FBXO25: variants seen among roughly 807,000 people sequenced by gnomAD.
FBXO25 encodes the protein F-box only protein 25.
In FBXO25, 45 loss-of-function variants were observed where a neutral mutation model predicts 51.9. The observed-to-expected ratio is 0.87, with a 90% CI of 0.68 to 1.11. The LOEUF is 1.11. Ranked by LOEUF, FBXO25 falls within the 50% of genes most tolerant of loss-of-function variation. The probability of loss-of-function intolerance (pLI) is 0.00; values close to 1 mark genes in which losing one functional copy is unlikely to be tolerated. For missense variants in FBXO25, 507 were observed against 428.5 expected, an observed-to-expected ratio of 1.18 and a Z score of -1.62; for synonymous variants, 199 against 151.0, an observed-to-expected ratio of 1.32 and a Z score of -2.33.
intron 9 of FBXO25, among the ~76,000 whole-genome samples, chr8:466,714 G>C (rs1237451164): frequency 6.6e-6 from 1 of 152,162 alleles, no homozygotes; most frequent in Admixed American, 6.5e-5. Context: ...CTGCTCCCAA[G>C]CTGGTTTCCC....
intron 7 of FBXO25, among the ~76,000 whole-genome samples, chr8:456,191 G>C (rs906004257): frequency 1.3e-5 from 2 of 152,176 alleles, no homozygotes; most frequent in Non-Finnish European, 2.9e-5. Context: ...TAATTTACTT[G>C]CACGTTATCT....
rs185696423 is a variant in FBXO25, at chr8:447,070, A to C, written c.382-2920A>C. On this transcript the variant is annotated intron_variant, in intron 5 of 9. Transcript: ENST00000350302. ...CAGAAGGGCTTAGGCTAACAAAAGC[A>C]CTCGTCAGGGCCAGGTCTAGAAGTC... 1.1e-3 allele frequency among the ~76,000 whole-genome samples: 166 copies of C among 152,326 alleles called. 1 individual carries two copies. Among genetic ancestry groups the C allele is most frequent in the African/African-American group, 3.4e-3 (140 of 41,564 alleles).
chr8:458,631 G>A (rs1030120042), intron 8 of FBXO25, 80 bp downstream of exon 8: 16 of 1,350,236 alleles, frequency 1.2e-5, no homozygotes, highest in Non-Finnish European at 1.5e-5. Flanking sequence ...AAACTCACCT[G>A]GAGAGAAAGA....
intron 5 of FBXO25, among the ~76,000 whole-genome samples, chr8:436,556 C>A (rs1563077695): frequency 6.6e-6 from 1 of 152,160 alleles, no homozygotes; most frequent in Non-Finnish European, 1.5e-5. Context: ...TGTTGTGCTG[C>A]ATGCTTCACT....
intron 2 of FBXO25, among the ~76,000 whole-genome samples, chr8:420,189 G>T (rs1797064323): frequency 6.6e-6 from 1 of 152,102 alleles, no homozygotes. Flanking sequence ...TGCCACAGTG[G>T]GCCTAGGTGA....
At chr8:436,059 C>G (rs1308514264) in intron 5 of FBXO25, among the ~76,000 whole-genome samples, 3 of 152,242 alleles carry the variant, frequency 2.0e-5, no homozygotes, top group Non-Finnish European at 2.9e-5. Flanking sequence ...GATGATTTCA[C>G]AAATGTTTTC....
At chr8:442,833 C>G (rs917880891) in intron 5 of FBXO25, among the ~76,000 whole-genome samples, 1 of 152,130 alleles carries the variant, frequency 6.6e-6, no homozygotes, top group African/African-American at 2.4e-5. Context: ...CAAGACTTTT[C>G]TTATACAGAA....
Position 468,861 on chromosome 8 carries a change from C to T in FBXO25, c.*57C>T, listed in dbSNP as rs984561764. The T allele has an allele frequency of 4.6e-5, 71 of 1,539,932 alleles. No individual in the cohort carries two copies. The highest frequency in any genetic ancestry group is 6.2e-5 in the Non-Finnish European group (70 of 1,124,624). ...TGAATCCTGCTGTCTGTGCAGGGCT[C>T]ATAGTGAGTGTTCTGTGAGGTGGGT... On this transcript the variant is annotated 3_prime_UTR_variant, in exon 10 of 10. Coordinates refer to ENST00000350302, the MANE Select transcript of FBXO25 (RefSeq NM_183420.2).
rs982864243 is a variant in FBXO25 at position 472,488 on chromosome 8, G to T, written c.*3684G>T. 8.5e-5 allele frequency: 13 copies of T among 152,228 alleles called. No homozygotes were observed. Among genetic ancestry groups the T allele is most frequent in the African/African-American group, 2.7e-4 (11 of 41,438 alleles). The allele number at this position is 152,228 out of a possible 1,614,324, so 9.4% of individuals were successfully genotyped here. A position where few individuals can be genotyped will look rare whatever the true frequency, so the allele number is the denominator to read the frequency against. ...CAGCCAGCCCTCTGTATCCACGGGG[G>T]ATTGGTTCCAAGACCCCCACCCCCA... On this transcript the variant is annotated 3_prime_UTR_variant, in exon 10 of 10. Coordinates refer to ENST00000350302, the MANE Select transcript of FBXO25 (RefSeq NM_183420.2).
In FBXO25 at chr8:465,787, A is replaced by G. The variant is rs532564139; in HGVS notation, c.987+2637A>G. 2.0e-5 allele frequency among the ~76,000 whole-genome samples: 3 copies of G among 152,320 alleles called. No individual in the cohort carries two copies. The South Asian group carries it at 6.2e-4, about 32-fold the overall frequency. Reference sequence around the variant, plus strand: ...AAAGTTTGGGATTTTGGAGCATCTCAGATTTTTGGATTACAGGTGCTCCAT... The same window carrying G: ...AAAGTTTGGGATTTTGGAGCATCTCGGATTTTTGGATTACAGGTGCTCCAT... On this transcript the variant is annotated intron_variant, in intron 9 of 9. Transcript: ENST00000350302.
intron 2 of FBXO25, among the ~76,000 whole-genome samples, chr8:426,798 G>T (rs1204629621): frequency 1.5e-5 from 2 of 131,570 alleles, no homozygotes; most frequent in East Asian, 2.9e-4. Flanking sequence ...GCCCACATTG[G>T]CTGTGGCTCC....
intron 2 of FBXO25, among the ~76,000 whole-genome samples, chr8:427,090 G>A (rs1308839911): frequency 2.7e-4 from 41 of 152,052 alleles, no homozygotes; most frequent in African/African-American, 8.2e-4. Flanking sequence ...AAAATAATAC[G>A]ACCTGATTGG....
chr8:446,494 C>A (rs932122519), intron 5 of FBXO25, among the ~76,000 whole-genome samples: 1 of 152,164 alleles, frequency 6.6e-6, no homozygotes, highest in Non-Finnish European at 1.5e-5. Context: ...TTGTGTGAAT[C>A]TGAATCGCAT....
chr8:438,989 C>T lies in FBXO25; in HGVS notation c.381+3282C>T, dbSNP rs190050614. 3.9e-5 allele frequency among the ~76,000 whole-genome samples: 6 copies of T among 152,322 alleles called. No homozygotes were observed. The East Asian group carries it at 9.6e-4, about 24-fold the overall frequency. On this transcript the variant is annotated intron_variant, in intron 5 of 9. Transcript: ENST00000350302. ...TGTTCACCCACTGCTGAAAACAACA[C>T]CCCCTTTGTCAAAGTGGAGTAAGTG...
At position 470,827 on chromosome 8, in the gene FBXO25, C is replaced by T. The variant is rs1800460786; in HGVS notation, c.*2023C>T. The T allele has an allele frequency of 1.3e-5, 2 of 152,068 alleles. No individual in the cohort carries two copies. Among genetic ancestry groups the T allele is most frequent in the Admixed American group, 6.6e-5 (1 of 15,254 alleles). The allele number at this position is 152,068 out of a possible 1,614,324, so 9.4% of individuals were successfully genotyped here. On this transcript the variant is annotated 3_prime_UTR_variant, in exon 10 of 10. Transcript: ENST00000350302. ...GATAAATTGTGAGCTTGAATATTTC[C>T]ATATATTTATTATCCATTTGCTTTT...
intron 7 of FBXO25, among the ~76,000 whole-genome samples, chr8:453,929 G>A (rs551004995): frequency 6.6e-6 from 1 of 152,196 alleles, no homozygotes; most frequent in South Asian, 2.1e-4. Context: ...TTCGAGACCA[G>A]CCTGGCCAGC....
rs1460913006 is a variant in FBXO25 at position 476,841 on chromosome 8, T to C, written c.*8037T>C. 3 of 152,166 alleles carry C rather than the reference T, an allele frequency of 2.0e-5. No homozygotes were observed. The highest frequency in any genetic ancestry group is 7.2e-5 in the African/African-American group (3 of 41,444). 9.4% of individuals were successfully genotyped at this position (152,166 alleles called of 1,614,324 possible). ...ATTATTATAATCATCTCCATTCTGCTGGCTTTGGGTTGATTGCTCTTCTTT... is the reference window on the plus strand; with the variant it reads ...ATTATTATAATCATCTCCATTCTGCCGGCTTTGGGTTGATTGCTCTTCTTT... On this transcript the variant is annotated 3_prime_UTR_variant, in exon 10 of 10. Transcript: ENST00000350302.
intron 8 of FBXO25, among the ~76,000 whole-genome samples, chr8:461,068 C>G (rs773359642): frequency 3.3e-5 from 5 of 152,186 alleles, no homozygotes; most frequent in African/African-American, 4.8e-5. Flanking sequence ...ACTCCTTTAG[C>G]CCGTGCATTT....
intron 2 of FBXO25, among the ~76,000 whole-genome samples, chr8:420,817 A>G (rs1585015081): frequency 6.6e-6 from 1 of 152,238 alleles, no homozygotes; most frequent in Non-Finnish European, 1.5e-5. Flanking sequence ...AGTCAGAGGC[A>G]GTTTGGGGAG....
Sources: allele counts gnomAD v4.1 joint callset (sites outside exome capture counted in the v4.1 genomes callset), GRCh38; gene constraint gnomAD v4.1.1; transcripts MANE v1.5; gene names NCBI Gene and HGNC (gene_info 2026-07-23, HGNC 2026-07-21).